The following CNTN5 variants were observed in gnomAD, a reference collection of about 807,000 sequenced individuals.
CNTN5 encodes contactin 5, also known as contactin-5.
In CNTN5, 77 loss-of-function variants were observed where a neutral mutation model predicts 129.1. The ratio of observed to expected loss-of-function variants is 0.60; its 90% CI spans 0.50 to 0.72. The LOEUF (loss-of-function observed/expected upper bound fraction) is 0.72, where lower values mean the gene tolerates loss of function less well. CNTN5 is among the 30% of genes least tolerant of loss of function. CNTN5 has a pLI of 0.00. For missense variants in CNTN5, 1,478 were observed against 1,328.8 expected (o/e 1.11, Z -1.75); for synonymous variants, 509 against 465.6 (o/e 1.09, Z -1.20).
At chr11:100,227,699 G>A (rs1261209071) in intron 16 of CNTN5, among the ~76,000 whole-genome samples, 1 of 152,136 alleles carries the variant, frequency 6.6e-6, no homozygotes, top group African/African-American at 2.4e-5. Flanking sequence ...TTATTTTGCT[G>A]AAATATAAAA....
At chr11:99,389,429 G>A (rs55926516) in intron 2 of CNTN5, among the ~76,000 whole-genome samples, 8,026 of 152,236 alleles carry the variant, frequency 0.053, 293 homozygotes, top group African/African-American at 0.1. Flanking sequence ...CCTGTATTGT[G>A]TATAATCAGG....
intron 1 of CNTN5, among the ~76,000 whole-genome samples, chr11:99,139,214 C>G (rs1216822265): frequency 2.0e-5 from 3 of 151,052 alleles, no homozygotes; most frequent in African/African-American, 4.9e-5. Context: ...TTGCAGTGAG[C>G]TTAGAGTGTA....
intron 13 of CNTN5, among the ~76,000 whole-genome samples, chr11:100,094,265 T>A (rs1944905377): frequency 6.6e-6 from 1 of 152,066 alleles, no homozygotes; most frequent in African/African-American, 2.4e-5. Flanking sequence ...TTCTTCTTTC[T>A]CCACCTCTTC....
chr11:99,966,718 G>A (rs909791642), intron 8 of CNTN5, among the ~76,000 whole-genome samples: 10 of 152,178 alleles, frequency 6.6e-5, no homozygotes, highest in African/African-American at 9.7e-5. Flanking sequence ...GGTAGTGAGC[G>A]TAGATCATTT....
intron 1 of CNTN5, among the ~76,000 whole-genome samples, chr11:99,064,515 A>G (rs1300022658): frequency 1.3e-5 from 2 of 152,152 alleles, no homozygotes; most frequent in Non-Finnish European, 2.9e-5. Context: ...AAGTAATTGA[A>G]TACCAGCAAA....
At chr11:100,314,773 T>C (rs1237447406) in intron 21 of CNTN5, among the ~76,000 whole-genome samples, 1 of 152,104 alleles carries the variant, frequency 6.6e-6, no homozygotes, top group African/African-American at 2.4e-5. Flanking sequence ...ATCATTAGGC[T>C]CTCCCTTCCC....
intron 3 of CNTN5, among the ~76,000 whole-genome samples, chr11:99,643,772 T>C (rs942219679): frequency 4.6e-5 from 7 of 152,284 alleles, no homozygotes; most frequent in African/African-American, 7.2e-5. Context: ...TGGAATGGAA[T>C]TGAGTTTCTC....
At chr11:99,433,630 A>T (rs1943487867) in intron 2 of CNTN5, among the ~76,000 whole-genome samples, 1 of 152,126 alleles carries the variant, frequency 6.6e-6, no homozygotes, top group Non-Finnish European at 1.5e-5. Context: ...TCAAGCTTTG[A>T]CCTTCAATGA....
intron 2 of CNTN5, among the ~76,000 whole-genome samples, chr11:99,429,474 G>T (rs1943271320): frequency 6.6e-6 from 1 of 152,034 alleles, no homozygotes; most frequent in Admixed American, 6.6e-5. Context: ...ACAATTCTTA[G>T]GTGAAAATCA....
chr11:100,050,034 A>C (rs1413029877), intron 9 of CNTN5, among the ~76,000 whole-genome samples: 3 of 152,216 alleles, frequency 2.0e-5, no homozygotes, highest in Non-Finnish European at 2.9e-5. Context: ...GTGGGACTGT[A>C]AACTAGTTCA....
At chr11:99,519,344 C>CTGCT (rs1947184043) in intron 2 of CNTN5, among the ~76,000 whole-genome samples, 1 of 152,048 alleles carries the variant, frequency 6.6e-6, no homozygotes, top group African/African-American at 2.4e-5. Flanking sequence ...TAACATCATG[C>CTGCT]TGCTATCCTT....
intron 2 of CNTN5, among the ~76,000 whole-genome samples, chr11:99,407,604 G>A (rs900877221): frequency 2.0e-5 from 3 of 152,146 alleles, no homozygotes; most frequent in Admixed American, 2.0e-4. Flanking sequence ...CAACTCAACT[G>A]GCTCTTGGTC....
At chr11:100,141,569 G>A (rs955300956) in intron 13 of CNTN5, among the ~76,000 whole-genome samples, 13 of 152,104 alleles carry the variant, frequency 8.5e-5, no homozygotes, top group Admixed American at 5.9e-4. Context: ...TAATTTTGTA[G>A]CAGTCTTCTC....
chr11:99,239,047 C>T (rs116169723), intron 1 of CNTN5, among the ~76,000 whole-genome samples: 1,958 of 152,144 alleles, frequency 0.013, 28 homozygotes, highest in African/African-American at 0.043. Context: ...TTTTCCTCCT[C>T]ATTTGGCTTA....
chr11:99,608,069 G>A (rs1445532780), intron 3 of CNTN5, among the ~76,000 whole-genome samples: 1 of 131,692 alleles, frequency 7.6e-6, no homozygotes, highest in Non-Finnish European at 1.6e-5. Context: ...CCTGCACAAT[G>A]TGCACATGTA....
At chr11:100,284,177 A>G (rs1278640532) in intron 18 of CNTN5, among the ~76,000 whole-genome samples, 1 of 152,016 alleles carries the variant, frequency 6.6e-6, no homozygotes, top group African/African-American at 2.4e-5. Flanking sequence ...TGTTTTTCCT[A>G]CCTCTTCAGT....
intron 16 of CNTN5, among the ~76,000 whole-genome samples, chr11:100,240,844 A>C (rs1565365676): frequency 6.6e-6 from 1 of 152,214 alleles, no homozygotes; most frequent in Non-Finnish European, 1.5e-5. Flanking sequence ...ATTGGAAATA[A>C]CAATTTCAAA....
At chr11:99,600,946 C>T (rs749839935) in intron 3 of CNTN5, among the ~76,000 whole-genome samples, 2 of 152,160 alleles carry the variant, frequency 1.3e-5, no homozygotes, top group Non-Finnish European at 2.9e-5. Context: ...CTGTATCAAG[C>T]AGCATTTATA....
chr11:99,222,348 T>C (rs1277485114), intron 1 of CNTN5, among the ~76,000 whole-genome samples: 2 of 151,212 alleles, frequency 1.3e-5, no homozygotes, highest in African/African-American at 4.9e-5. Flanking sequence ...GAAGGAAGAA[T>C]GGGGGTTGGG....
Sources: allele counts gnomAD v4.1 joint callset (sites outside exome capture counted in the v4.1 genomes callset), GRCh38; gene constraint gnomAD v4.1.1; transcripts MANE v1.5; gene names NCBI Gene and HGNC (gene_info 2026-07-23, HGNC 2026-07-21).